TRIM5: variants seen among roughly 807,000 people sequenced by gnomAD.
TRIM5 encodes the protein tripartite motif-containing protein 5.
A neutral mutation model predicts 35.6 loss-of-function variants in TRIM5; 31 were observed. That is an observed-to-expected ratio of 0.87 (90% CI 0.65 to 1.18). TRIM5 has a LOEUF of 1.18. Ranked by LOEUF, TRIM5 falls within the 50% of genes most tolerant of loss-of-function variation. The pLI is 0.00. For missense variants in TRIM5, 609 were observed against 591.6 expected (o/e 1.03, Z -0.31); for synonymous variants, 243 against 215.6 (o/e 1.13, Z -1.11).
chr11:5,663,259 TTATTA>T lies in TRIM5; in HGVS notation c.*1545_*1549del, dbSNP rs1432528064. 43 of 950,946 alleles carry T rather than the reference TTATTA, an allele frequency of 4.5e-5. No individual in the cohort carries two copies. Among genetic ancestry groups the T allele is most frequent in the Non-Finnish European group, 5.1e-5 (41 of 798,614 alleles). 58.9% of individuals were successfully genotyped at this position (950,946 alleles called of 1,614,324 possible). ...TTTTAAAAAACTACATCAGCTAATT[TTATTA>T]TAATTATTTTTTACAATTAATAAAC... is the stretch of plus-strand genomic sequence containing the variant. On this transcript the variant is annotated 3_prime_UTR_variant, in exon 8 of 8. Transcript: ENST00000380034.
chr11:5,669,160 A>G (rs954427715), intron 4 of TRIM5, among the ~76,000 whole-genome samples: 5 of 150,518 alleles, frequency 3.3e-5, no homozygotes, highest in African/African-American at 1.2e-4. Context: ...GCTCACCGCA[A>G]CCTCCACCTC....
chr11:5,651,592 T>C, the TRIM5 span, among the ~76,000 whole-genome samples: 1 of 152,210 alleles, frequency 6.6e-6, no homozygotes, highest in African/African-American at 2.4e-5. Flanking sequence ...TGAATGGTGC[T>C]GTGATGAATG....
chr11:5,632,511 T>C, the TRIM5 span: 1 of 1,613,896 alleles, frequency 6.2e-7, no homozygotes, highest in African/African-American at 1.3e-5. Context: ...CTGTGTGTGG[T>C]ATCAGTTACT....
chr11:5,641,525 T>C, the TRIM5 span, among the ~76,000 whole-genome samples: 1 of 152,200 alleles, frequency 6.6e-6, no homozygotes, highest in South Asian at 2.1e-4. Flanking sequence ...ATTTTATATG[T>C]GTTTGTCATA....
At chr11:5,622,428 G>C in the TRIM5 span, among the ~76,000 whole-genome samples, 1 of 147,528 alleles carries the variant, frequency 6.8e-6, no homozygotes, top group Non-Finnish European at 1.5e-5. Context: ...CTGGGCGACA[G>C]AGCGAGACTA....
chr11:5,615,943 T>A, the TRIM5 span, among the ~76,000 whole-genome samples: 1 of 148,308 alleles, frequency 6.7e-6, no homozygotes, highest in South Asian at 2.2e-4. Flanking sequence ...ATTTTTTTTT[T>A]TTTTTTTGAG....
chr11:5,646,584 C>T, the TRIM5 span, among the ~76,000 whole-genome samples: 2 of 152,206 alleles, frequency 1.3e-5, no homozygotes, highest in African/African-American at 4.8e-5. Context: ...GCTCAACACA[C>T]TTCCCTTTAT....
the TRIM5 span, chr11:5,603,580 A>T: frequency 6.2e-7 from 1 of 1,613,832 alleles, no homozygotes; most frequent in Non-Finnish European, 8.5e-7. Context: ...GGGCCCTGGG[A>T]AGCAGCTGAA....
the TRIM5 span, chr11:5,589,873 G>A: frequency 0.02 from 3,088 of 153,864 alleles, 123 homozygotes; most frequent in African/African-American, 0.07. Context: ...GCAGGGAGGT[G>A]TGGAGGGAGA....
In TRIM5 at chr11:5,678,355, T is replaced by C. The variant is rs752604222; in HGVS notation, c.593A>G (p.Asn198Ser). 2.5e-6 allele frequency: 4 copies of C among 1,613,458 alleles called. No homozygotes were observed. The highest frequency in any genetic ancestry group is 2.2e-5 in the East Asian group (1 of 44,870). The change falls in exon 4 of 8, where the codon AAT (asparagine) becomes AGT (serine). Residue 198 changes from asparagine (N) to serine (S), a missense_variant. Asn to Ser is a conservative substitution (Grantham distance 46). Coordinates refer to ENST00000380034, the MANE Select transcript of TRIM5 (RefSeq NM_033034.3). ...CTCCTTCTCCAGGTTTTGCAGCTCATTGCTCTCCTCCCAGTCCAGGATGTC... is the reference window on the plus strand; with the variant it reads ...CTCCTTCTCCAGGTTTTGCAGCTCACTGCTCTCCTCCCAGTCCAGGATGTC... ...LRDILDWEES[N>S]ELQNLEKEEE... is the part of the protein sequence containing the mutation.
the TRIM5 span, among the ~76,000 whole-genome samples, chr11:5,653,826 G>A: frequency 5.9e-4 from 90 of 152,046 alleles, no homozygotes; most frequent in Non-Finnish European, 4.4e-5. Context: ...CATATGTCCT[G>A]TAGTCTTTCT....
At chr11:5,657,940 G>A in the TRIM5 span, among the ~76,000 whole-genome samples, 1 of 151,520 alleles carries the variant, frequency 6.6e-6, no homozygotes, top group African/African-American at 2.4e-5. Flanking sequence ...AGAAAAATAA[G>A]TTTATTTTTC....
chr11:5,604,464 T>G, the TRIM5 span: 29 of 1,497,962 alleles, frequency 1.9e-5, no homozygotes, highest in East Asian at 6.5e-4. Context: ...CTCTGTCCCA[T>G]TCATTCTATG....
chr11:5,604,563 G>A, the TRIM5 span: 2 of 1,613,220 alleles, frequency 1.2e-6, no homozygotes, highest in Non-Finnish European at 1.7e-6. Flanking sequence ...TAAAGAAGCT[G>A]AAGAACGAGG....
chr11:5,656,887 G>A, the TRIM5 span, among the ~76,000 whole-genome samples: 1 of 152,334 alleles, frequency 6.6e-6, no homozygotes, highest in East Asian at 1.9e-4. Context: ...TTCGACCATT[G>A]TGGAAGATAG....
At chr11:5,658,516 C>A (rs1008991171), downstream of TRIM5, among the ~76,000 whole-genome samples, 6 of 152,224 alleles carry the variant, frequency 3.9e-5, no homozygotes, top group African/African-American at 1.2e-4. Flanking sequence ...CAGATAAACA[C>A]AAGCCACCTG....
the TRIM5 span, among the ~76,000 whole-genome samples, chr11:5,624,203 C>T: frequency 2.0e-5 from 3 of 152,036 alleles, no homozygotes; most frequent in East Asian, 3.9e-4. Flanking sequence ...CTCAGATTCG[C>T]GTAAAAATTA....
At chr11:5,669,899 C>G (rs888573687) in intron 4 of TRIM5, 4 of 192,546 alleles carry the variant, frequency 2.1e-5, no homozygotes, top group African/African-American at 9.5e-5. Flanking sequence ...TGTTTGAACC[C>G]AGGAGGCGGA....
intron 1 of TRIM5, among the ~76,000 whole-genome samples, chr11:5,684,482 G>A (rs1852859348): frequency 6.6e-6 from 1 of 152,200 alleles, no homozygotes; most frequent in African/African-American, 2.4e-5. Context: ...TGATGTCACA[G>A]AGCCAGGCCA....
Sources: allele counts gnomAD v4.1 joint callset (sites outside exome capture counted in the v4.1 genomes callset), GRCh38; gene constraint gnomAD v4.1.1; transcripts MANE v1.5; gene names NCBI Gene and HGNC (gene_info 2026-07-23, HGNC 2026-07-21).